C12orf42: variants seen among roughly 807,000 people sequenced by gnomAD.
The protein encoded by C12orf42 is uncharacterized protein C12orf42.
C12orf42 carries 25 observed loss-of-function variants against 21.6 expected under a neutral mutation model. The observed-to-expected ratio is 1.16, with a 90% CI of 0.84 to 1.62. The LOEUF is 1.62. Among genes scored for constraint, C12orf42 ranks in the 40% most tolerant of loss-of-function variants. The pLI is 0.00. For synonymous variants in C12orf42, 174 were observed against 175.0 expected (o/e 0.99, Z 0.05); for missense variants, 483 against 459.3 (o/e 1.05, Z -0.47).
chr12:103,214,599 T>C, the C12orf42 span, among the ~76,000 whole-genome samples: 1 of 152,166 alleles, frequency 6.6e-6, no homozygotes, highest in African/African-American at 2.4e-5. Flanking sequence ...ATTGCTGATG[T>C]AAGAGCAAAT....
chr12:103,103,485 A>G, the C12orf42 span, among the ~76,000 whole-genome samples: 208 of 152,350 alleles, frequency 1.4e-3, no homozygotes, highest in African/African-American at 4.7e-3. Flanking sequence ...AGAGGTAGAT[A>G]GGCTAGCAGA....
chr12:103,505,696 G>A, the C12orf42 span: 2 of 218,432 alleles, frequency 9.2e-6, no homozygotes, highest in Non-Finnish European at 1.8e-5. Flanking sequence ...GGCTGTAGAT[G>A]GAGAGGACAG....
At chr12:103,452,615 T>C (rs1952019767) in intron 2 of C12orf42, among the ~76,000 whole-genome samples, 1 of 152,060 alleles carries the variant, frequency 6.6e-6, no homozygotes, top group African/African-American at 2.4e-5. Flanking sequence ...AGCAAAGACT[T>C]GGAACCAACC....
At chr12:103,338,849 A>T (rs1228693938) in intron 4 of C12orf42, among the ~76,000 whole-genome samples, 1 of 152,172 alleles carries the variant, frequency 6.6e-6, no homozygotes, top group African/African-American at 2.4e-5. Context: ...GGAAGAGAGG[A>T]GCCATTTTGA....
chr12:103,482,119 AT>A (rs1305282658), intron 1 of C12orf42, among the ~76,000 whole-genome samples: 2 of 152,040 alleles, frequency 1.3e-5, no homozygotes, highest in Non-Finnish European at 2.9e-5. Context: ...GTCAACTATT[AT>A]TTTGATTTAT....
chr12:103,397,109 TGTAA>T (rs2047600988), intron 3 of C12orf42, among the ~76,000 whole-genome samples: 1 of 152,192 alleles, frequency 6.6e-6, no homozygotes, highest in South Asian at 2.1e-4. Context: ...TTACCAAACA[TGTAA>T]GTAATTCTAT....
At chr12:103,461,248 C>T (rs544589004) in intron 2 of C12orf42, among the ~76,000 whole-genome samples, 132 of 152,252 alleles carry the variant, frequency 8.7e-4, no homozygotes, top group African/African-American at 3.0e-3. Flanking sequence ...TCACTTAGCT[C>T]GGGCAACAAA....
At chr12:103,101,011 C>T in the C12orf42 span, among the ~76,000 whole-genome samples, 5 of 152,098 alleles carry the variant, frequency 3.3e-5, no homozygotes, top group African/African-American at 1.2e-4. Context: ...AAACCAGGTT[C>T]GAATCCTGGC....
At chr12:103,539,206 A>T in the C12orf42 span, among the ~76,000 whole-genome samples, 1 of 152,166 alleles carries the variant, frequency 6.6e-6, no homozygotes, top group Non-Finnish European at 1.5e-5. Flanking sequence ...ATTACAAAGG[A>T]GGGAGGCAAA....
the C12orf42 span, among the ~76,000 whole-genome samples, chr12:103,525,834 C>T: frequency 7.9e-5 from 12 of 152,230 alleles, no homozygotes; most frequent in East Asian, 2.3e-3. Context: ...TCAAGACCAG[C>T]CTGGCCAACA....
the C12orf42 span, among the ~76,000 whole-genome samples, chr12:103,079,606 TAAACTGCAGTAAC>T: frequency 2.6e-5 from 4 of 152,212 alleles, no homozygotes; most frequent in Admixed American, 2.0e-4. Context: ...ATAGGTATGT[TAAACTGCAGTAAC>T]AAACAACATG....
intron 4 of C12orf42, among the ~76,000 whole-genome samples, chr12:103,367,196 G>A (rs531012950): frequency 1.3e-5 from 2 of 152,018 alleles, no homozygotes; most frequent in Admixed American, 1.3e-4. Context: ...ACTCAGGAAT[G>A]GAAAACCAAA....
chr12:103,435,514 A>G (rs1336233514), intron 2 of C12orf42, among the ~76,000 whole-genome samples: 1 of 152,212 alleles, frequency 6.6e-6, no homozygotes, highest in Admixed American at 6.5e-5. Context: ...AAAAATTTAG[A>G]ATAATGTATA....
At chr12:103,542,994 A>G in the C12orf42 span, among the ~76,000 whole-genome samples, 1 of 152,200 alleles carries the variant, frequency 6.6e-6, no homozygotes, top group Non-Finnish European at 1.5e-5. Flanking sequence ...TCACCAAGGA[A>G]TGTGTGAATG....
At chr12:103,388,117 G>A (rs966868155) in intron 3 of C12orf42, among the ~76,000 whole-genome samples, 3 of 152,184 alleles carry the variant, frequency 2.0e-5, no homozygotes, top group African/African-American at 7.2e-5. Flanking sequence ...ACCCTACTCT[G>A]CCCCTCCAGC....
rs150200159 is a variant in C12orf42, at chr12:103,285,021, C to T, written n.338-7811G>A. ...ATGATTCCCTTATCTAGGATCAATGCTCAAAGCAAGTAGTCCTCATAACAA... is the reference window on the plus strand; with the variant it reads ...ATGATTCCCTTATCTAGGATCAATGTTCAAAGCAAGTAGTCCTCATAACAA... On this transcript the variant is annotated intron_variant and non_coding_transcript_variant, in intron 4 of 6. Coordinates refer to the C12orf42 transcript ENST00000546526. 4.2e-3 allele frequency among the ~76,000 whole-genome samples: 639 copies of T among 152,258 alleles called. 5 individuals are homozygous for T. Among genetic ancestry groups the T allele is most frequent in the African/African-American group, 0.015 (604 of 41,556 alleles).
At chr12:103,070,123 T>A in the C12orf42 span, among the ~76,000 whole-genome samples, 1 of 152,190 alleles carries the variant, frequency 6.6e-6, no homozygotes, top group African/African-American at 2.4e-5. Flanking sequence ...TGGGTGTTCT[T>A]AGCTTCTTGG....
chr12:103,331,663 G>A (rs2041249120), intron 4 of C12orf42, among the ~76,000 whole-genome samples: 1 of 152,210 alleles, frequency 6.6e-6, no homozygotes, highest in Non-Finnish European at 1.5e-5. Context: ...AGAGGTAACT[G>A]TGTCTTGAAG....
the C12orf42 span, among the ~76,000 whole-genome samples, chr12:103,225,615 C>G: frequency 9.9e-5 from 15 of 152,078 alleles, no homozygotes; most frequent in African/African-American, 3.6e-4. Flanking sequence ...CAGGAATAGT[C>G]AGGGAAGCAG....
Sources: allele counts gnomAD v4.1 joint callset (sites outside exome capture counted in the v4.1 genomes callset), GRCh38; gene constraint gnomAD v4.1.1; transcripts MANE v1.5; gene names NCBI Gene and HGNC (gene_info 2026-07-23, HGNC 2026-07-21).